PPDPFL: variants seen among roughly 807,000 people sequenced by gnomAD.
PPDPFL encodes the protein pancreatic progenitor cell differentiation and proliferation factor-like protein.
A neutral mutation model predicts 12.6 loss-of-function variants in PPDPFL; 12 were observed. The observed-to-expected ratio is 0.95, with a 90% CI of 0.61 to 1.54. The LOEUF is 1.54. PPDPFL is among the 40% of genes most tolerant of loss of function. PPDPFL has a pLI of 0.00. For synonymous variants in PPDPFL, 24 were observed against 32.7 expected, an observed-to-expected ratio of 0.73 and a Z score of 0.91; for missense variants, 114 against 96.0, an observed-to-expected ratio of 1.19 and a Z score of -0.78.
intron 1 of PPDPFL, among the ~76,000 whole-genome samples, chr8:49,057,267 T>C (rs1254751499): frequency 6.6e-6 from 1 of 152,226 alleles, no homozygotes; most frequent in Non-Finnish European, 1.5e-5. Flanking sequence ...TCAACATTTT[T>C]ATTAGTCTGA....
upstream of PPDPFL, among the ~76,000 whole-genome samples, chr8:49,070,057 C>T (rs1808354466): frequency 6.6e-6 from 1 of 152,196 alleles, no homozygotes; most frequent in South Asian, 2.1e-4. Flanking sequence ...GAATATTATG[C>T]AGCCCTAAGA....
chr8:49,058,774 C>T (rs1249351455), intron 1 of PPDPFL, among the ~76,000 whole-genome samples: 1 of 152,146 alleles, frequency 6.6e-6, no homozygotes, highest in African/African-American at 2.4e-5. Flanking sequence ...CCAAAGTCTC[C>T]ATTTTCTAGA....
rs181845838 is a variant in PPDPFL at position 49,075,694 on chromosome 8, T to G, written c.*521T>G. On this transcript the variant is annotated 3_prime_UTR_variant, in exon 5 of 5. Coordinates refer to ENST00000522267, the MANE Select transcript of PPDPFL (RefSeq NM_001256597.2). ...TTTAAAGGGCATTGAATTCGAAATT[T>G]TAGAAAATAATTGTAAAAATTCAAT... 10 of 170,122 alleles carry G rather than the reference T, an allele frequency of 5.9e-5. No individual in the cohort carries two copies. The highest frequency in any genetic ancestry group is 5.8e-4 in the Admixed American group (10 of 17,300). The allele number at this position is 170,122 out of a possible 1,614,324, so 10.5% of individuals were successfully genotyped here. A position where few individuals can be genotyped will look rare whatever the true frequency, so the allele number is the denominator to read the frequency against.
chr8:49,062,696 C>A (rs1808231888), intron 1 of PPDPFL, among the ~76,000 whole-genome samples: 1 of 152,126 alleles, frequency 6.6e-6, no homozygotes, highest in African/African-American at 2.4e-5. Context: ...GTGGTAAGGT[C>A]AGAATAGCAG....
chr8:49,065,291 T>C (rs903692693), intron 1 of PPDPFL, among the ~76,000 whole-genome samples: 3 of 152,224 alleles, frequency 2.0e-5, no homozygotes, highest in Admixed American at 6.5e-5. Flanking sequence ...ATCTTGTTGC[T>C]ACTAGTAAAT....
At chr8:49,075,099 C>T (rs1808469490) in intron 4 of PPDPFL, 53 bp from the exon 5 acceptor site, 1 of 1,597,804 alleles carries the variant, frequency 6.3e-7, no homozygotes, top group Non-Finnish European at 8.5e-7. Flanking sequence ...ATTATCTGGA[C>T]AGTGTTTCAT....
In PPDPFL at chr8:49,075,563, T is replaced by C. The variant is rs7009890; in HGVS notation, c.*390T>C. On this transcript the variant is annotated 3_prime_UTR_variant, in exon 5 of 5. Coordinates refer to ENST00000522267, the MANE Select transcript of PPDPFL (RefSeq NM_001256597.2). ...CTTACATAAAGTAGCTCTTTCATTTTTTATATCATTTTTATTAAAAAAACT... is the reference window on the plus strand; with the variant it reads ...CTTACATAAAGTAGCTCTTTCATTTCTTATATCATTTTTATTAAAAAAACT... 207,171 of 376,058 alleles carry C rather than the reference T, an allele frequency of 0.55. 59,548 individuals are homozygous for C. Among genetic ancestry groups the C allele is most frequent in the East Asian group, 0.86 (19,381 of 22,516 alleles). 23.3% of individuals were successfully genotyped at this position (376,058 alleles called of 1,614,324 possible).
At chr8:49,062,799 G>A (rs192910501) in intron 1 of PPDPFL, among the ~76,000 whole-genome samples, 1 of 152,236 alleles carries the variant, frequency 6.6e-6, no homozygotes, top group Non-Finnish European at 1.5e-5. Flanking sequence ...TGCTTCATTT[G>A]TACAATAAAA....
At chr8:49,074,572 C>A in intron 4 of PPDPFL, 1 of 1,536,298 alleles carries the variant, frequency 6.5e-7, no homozygotes, top group South Asian at 1.2e-5. Flanking sequence ...GTGGAGAAGT[C>A]ATATGCCAAA....
chr8:49,059,309 T>A (rs1304477947), intron 1 of PPDPFL, among the ~76,000 whole-genome samples: 1 of 151,998 alleles, frequency 6.6e-6, no homozygotes, highest in East Asian at 1.9e-4. Flanking sequence ...GGCCTTAAAT[T>A]AAAGAGGGAT....
rs578228894 is a variant in PPDPFL, at chr8:49,072,909, G to C, written c.55+24G>C. The C allele has an allele frequency of 2.5e-6, 4 of 1,578,594 alleles. 1 individual carries two copies. In the South Asian group the frequency reaches 3.4e-5, roughly 14 times the overall value. ...AAGTAAGTTGCATCATCATAGAGAC[G>C]TCCCTAGATAATATGATTTGAGGTG... On this transcript the variant is annotated intron_variant, in intron 2 of 4. Coordinates refer to ENST00000522267, the MANE Select transcript of PPDPFL (RefSeq NM_001256597.2).
upstream of PPDPFL, among the ~76,000 whole-genome samples, chr8:49,070,255 G>A (rs998452965): frequency 6.6e-5 from 10 of 152,118 alleles, no homozygotes; most frequent in South Asian, 4.1e-4. Context: ...GGTGAAGGGC[G>A]GGAGGAGGGG....
intron 1 of PPDPFL, 82 bp downstream of exon 1, chr8:49,072,564 T>C: frequency 3.1e-6 from 1 of 326,518 alleles, no homozygotes; most frequent in South Asian, 4.2e-5. Flanking sequence ...GTGCATTGTG[T>C]ATAGTTGGAT....
intron 1 of PPDPFL, among the ~76,000 whole-genome samples, chr8:49,056,177 TG>T (rs1808109878): frequency 1.3e-5 from 2 of 152,316 alleles, no homozygotes; most frequent in South Asian, 4.1e-4. Context: ...CTGACTTCTC[TG>T]AGTACATTTT....
intron 1 of PPDPFL, among the ~76,000 whole-genome samples, chr8:49,060,784 G>A (rs750195173): frequency 6.6e-6 from 1 of 152,098 alleles, no homozygotes; most frequent in Admixed American, 6.5e-5. Context: ...TTGGCGTAAT[G>A]GAAGATATTT....
rs931727250 is a variant in PPDPFL, at chr8:49,074,528, A to T, written c.233+195A>T. On this transcript the variant is annotated intron_variant, in intron 4 of 4. Coordinates refer to ENST00000522267, the MANE Select transcript of PPDPFL (RefSeq NM_001256597.2). ...CTTGCAGGTCGCTGTCAGGAAGATC[A>T]TAGCACCCTTTCCAGTTCAATCACT... The T allele has an allele frequency of 3.9e-6, 6 of 1,537,174 alleles. No homozygotes were observed. In the African/African-American group the frequency reaches 8.2e-5, roughly 21 times the overall value.
upstream of PPDPFL, among the ~76,000 whole-genome samples, chr8:49,071,579 C>T (rs1307758144): frequency 6.6e-6 from 1 of 152,026 alleles, no homozygotes; most frequent in Admixed American, 6.5e-5. Context: ...TGGCGTGAAC[C>T]TGGGAGGCGG....
chr8:49,073,947 C>T, intron 2 of PPDPFL, 112 bp from the exon 3 acceptor site: 2 of 700,702 alleles, frequency 2.9e-6, no homozygotes, highest in Admixed American at 2.8e-5. Flanking sequence ...ATTCACAAGC[C>T]AGGAATAAAT....
chr8:49,074,101 C>G lies in PPDPFL; in HGVS notation c.98C>G (p.Ser33Cys). Reference protein sequence around the residue: ...SSVSSLTSSDSVNFIDDDKPQ... With the variant: ...SSVSSLTSSDCVNFIDDDKPQ... Reference sequence around the variant, plus strand: ...GTTAGTTCTTTAACTAGCTCTGATTCTGTTAACTTCATAGATGACGACAAA... The same window carrying G: ...GTTAGTTCTTTAACTAGCTCTGATTGTGTTAACTTCATAGATGACGACAAA... The change falls in exon 3 of 5, where the codon TCT (serine) becomes TGT (cysteine). Residue 33 changes from serine to cysteine, a missense_variant. By Grantham distance (112) the Ser-to-Cys change is moderately radical (BLOSUM62 -1). Coordinates refer to ENST00000522267, the MANE Select transcript of PPDPFL (RefSeq NM_001256597.2). 1.2e-6 allele frequency: 2 copies of G among 1,613,092 alleles called. No homozygotes were observed. Among genetic ancestry groups the G allele is most frequent in the Non-Finnish European group, 1.7e-6 (2 of 1,179,160 alleles).
Sources: gnomAD v4.1 joint callset for allele counts (sites outside exome capture counted in the v4.1 genomes callset) on GRCh38, gnomAD v4.1.1 for gene constraint, MANE v1.5 for transcripts, NCBI Gene and HGNC (gene_info 2026-07-23, HGNC 2026-07-21) for gene names.